Variants in NFASC observed in about 807,000 individuals in gnomAD.
NFASC encodes neurofascin homolog.
Under a neutral mutation model 147.5 loss-of-function variants are expected in NFASC, and 43 were observed. That is an observed-to-expected ratio of 0.29 (90% CI 0.23 to 0.38). The LOEUF is 0.38. NFASC is among the 10% of genes least tolerant of loss of function. The pLI is 1.00. For synonymous variants in NFASC, 622 were observed against 665.5 expected, an observed-to-expected ratio of 0.93 and a Z score of 1.01; for missense variants, 1,320 against 1,689.0, an observed-to-expected ratio of 0.78 and a Z score of 3.83.
chr1:204,832,822 G>T lies in NFASC; in HGVS notation c.-200+4040G>T, dbSNP rs114983909. On this transcript the variant is annotated intron_variant, in intron 1 of 29. Coordinates refer to ENST00000339876, the MANE Select transcript of NFASC (RefSeq NM_001005388.3). ...CCTGGTGTTGTAGGAGCATGGCTGA[G>T]GGGTCATAGTGAGCAGTAGGATCTG... Among the ~76,000 whole-genome samples, 2 of 152,370 alleles carry T rather than the reference G, an allele frequency of 1.3e-5. 1 individual carries two copies. The highest frequency in any genetic ancestry group is 2.9e-5 in the Non-Finnish European group (2 of 68,034).
chr1:204,901,152 C>T (rs753795276), intron 1 of NFASC, among the ~76,000 whole-genome samples: 19 of 151,950 alleles, frequency 1.3e-4, no homozygotes, highest in East Asian at 9.6e-4. Context: ...TTAGCAGCTC[C>T]GAGATGCCTG....
rs924558876 is a variant in NFASC at position 204,992,300 on chromosome 1, C to T, written c.2782+994C>T. 4.6e-5 allele frequency among the ~76,000 whole-genome samples: 7 copies of T among 152,236 alleles called. No individual in the cohort carries two copies. In the East Asian group the frequency reaches 5.8e-4, roughly 13 times the overall value. ...AGGCAGTGGAGGGAGGGCTGAGGAC[C>T]GGGCCAGGAATCTGAGGGTTGGCTT... On this transcript the variant is annotated intron_variant, in intron 24 of 29. Transcript: ENST00000339876.
chr1:204,843,626 TCCTCCCTCCCTCCCTCCCTC>T, intron 1 of NFASC, among the ~76,000 whole-genome samples: 1 of 78,112 alleles, frequency 1.3e-5, no homozygotes, highest in South Asian at 5.8e-4. Flanking sequence ...CTTCCTTCCT[TCCTCCCTCCCTCCCTCCCTC>T]CCTCCCTCCC....
At chr1:204,939,059 T>TGTGTGG (rs1355578764) in intron 2 of NFASC, among the ~76,000 whole-genome samples, 3 of 151,320 alleles carry the variant, frequency 2.0e-5, no homozygotes, top group Non-Finnish European at 4.4e-5. Context: ...TGTGTGTGTG[T>TGTGTGG]GTGTGTGTGT....
At chr1:204,885,470 C>T (rs974057244) in intron 1 of NFASC, among the ~76,000 whole-genome samples, 10 of 152,152 alleles carry the variant, frequency 6.6e-5, no homozygotes, top group African/African-American at 2.4e-4. Flanking sequence ...AAGAATTTTC[C>T]ACCCTCTTTG....
intron 25 of NFASC, chr1:204,998,599 G>A (rs2095901413): frequency 6.6e-6 from 1 of 152,230 alleles, no homozygotes; most frequent in Non-Finnish European, 1.5e-5. Context: ...TGCTTCACAG[G>A]TGCCATCTAG....
At position 205,015,517 on chromosome 1, in the gene NFASC, G is replaced by A. The variant is rs1221175196; in HGVS notation, c.3492-791G>A. 1.3e-5 allele frequency among the ~76,000 whole-genome samples: 2 copies of A among 152,118 alleles called. No homozygotes were observed. Among genetic ancestry groups the A allele is most frequent in the Non-Finnish European group, 2.9e-5 (2 of 68,024 alleles). On this transcript the variant is annotated intron_variant, in intron 29 of 29. Transcript: ENST00000339876. The surrounding 1 kb of genome is among the most constrained non-coding windows in gnomAD (Gnocchi z 4.0). ...CCCAACTGGGTGGCTGTTCCCAGCG[G>A]CCCGTGCAGCTTTACTCGGCAGCCT...
chr1:204,992,783 T>C (rs1472716250), intron 24 of NFASC, among the ~76,000 whole-genome samples: 1 of 152,214 alleles, frequency 6.6e-6, no homozygotes, highest in Non-Finnish European at 1.5e-5. Flanking sequence ...CCAAGGCAGG[T>C]GGGCCTGGTG....
At chr1:204,984,212 G>A in intron 21 of NFASC, 1 of 986,040 alleles carries the variant, frequency 1.0e-6, no homozygotes, top group Admixed American at 1.8e-5. Context: ...AGCAAATGCG[G>A]GCTATAAGAT....
intron 2 of NFASC, among the ~76,000 whole-genome samples, chr1:204,937,759 C>T (rs573755805): frequency 3.2e-4 from 49 of 152,350 alleles, no homozygotes; most frequent in African/African-American, 9.9e-4. Flanking sequence ...TAAACATCCA[C>T]GTGCAGGTCG....
chr1:205,011,210 C>CCCG (rs1469306466), intron 28 of NFASC, among the ~76,000 whole-genome samples: 1 of 151,632 alleles, frequency 6.6e-6, no homozygotes, highest in Non-Finnish European at 1.5e-5. Flanking sequence ...CCCCAGGACC[C>CCCG]CCCCCAAAAC....
In NFASC at chr1:204,974,200, C is replaced by T. The variant is rs760183549; in HGVS notation, c.1301C>T (p.Ser434Leu). ...SVLDVPPRML[S>L]PRNQLIRVIL... ...TCAGATGTGCCGCCTCGGATGCTGT[C>T]GCCCCGGAACCAGCTCATTCGAGTG... The change falls in exon 13 of 30, where the codon TCG (serine) becomes TTG (leucine). Residue 434 changes from serine to leucine, a missense_variant. Around this residue, in one of 3 missense-constraint regions of NFASC, gnomAD observed 981 missense variants for 1,289.5 expected, o/e 0.76. Coordinates refer to ENST00000339876, the MANE Select transcript of NFASC (RefSeq NM_001005388.3). The T allele has an allele frequency of 8.7e-6, 14 of 1,613,838 alleles. No homozygotes were observed. In the South Asian group the frequency reaches 8.8e-5, roughly 10 times the overall value.
intron 1 of NFASC, among the ~76,000 whole-genome samples, chr1:204,845,055 C>T (rs535331492): frequency 2.0e-5 from 3 of 152,078 alleles, no homozygotes; most frequent in Non-Finnish European, 2.9e-5. Context: ...GGTAGTTACC[C>T]AAGGGACTTT....
At position 204,898,920 on chromosome 1, in the gene NFASC, A is replaced by G. The variant is rs2083943730; in HGVS notation, c.-199-21712A>G. Among the ~76,000 whole-genome samples, 3 of 152,230 alleles carry G rather than the reference A, an allele frequency of 2.0e-5. No homozygotes were observed. The South Asian group carries it at 6.2e-4, about 31-fold the overall frequency. On this transcript the variant is annotated intron_variant, in intron 1 of 29. Coordinates refer to ENST00000339876, the MANE Select transcript of NFASC (RefSeq NM_001005388.3). ...ATAGGAGCCCTCAGGTTCTAAAGCT[A>G]TTCTAAAGCTATTTGAGGATATGAC...
At chr1:205,001,406 C>CTGGCTTAATTA in intron 26 of NFASC, 120 bp downstream of exon 26, 1 of 673,574 alleles carries the variant, frequency 1.5e-6, no homozygotes, top group East Asian at 2.7e-5. Context: ...GCCTTTTAGC[C>CTGGCTTAATTA]TGGCTTAATT....
At chr1:204,976,629 C>T (rs1327755714) in intron 15 of NFASC, 42 bp from the exon 16 acceptor site, 2 of 1,494,064 alleles carry the variant, frequency 1.3e-6, no homozygotes, top group South Asian at 1.2e-5. Context: ...ACTCAGCACT[C>T]CCCTACCCCC....
In NFASC at chr1:204,966,328, G is replaced by A. The variant is rs563525968; in HGVS notation, c.707-1921G>A. ...ATGGTGTAAATTAAACGTCCATAGG[G>A]TCACAGATTGGTTTCTGCAGATTTC... On this transcript the variant is annotated intron_variant, in intron 8 of 29. Transcript: ENST00000339876. Among the ~76,000 whole-genome samples, 5 of 152,276 alleles carry A rather than the reference G, an allele frequency of 3.3e-5. No individual in the cohort carries two copies. In the South Asian group the frequency reaches 1.0e-3, roughly 32 times the overall value.
In NFASC at chr1:204,981,885, G is replaced by A. The variant is rs138192492; in HGVS notation, c.2335G>A (p.Val779Ile). ...RRETREAWNN[V>I]TVWGSRYVVG... is the part of the protein sequence containing the mutation. Reference sequence around the variant, plus strand: ...AGAGACTCGAGAGGCCTGGAACAACGTCACAGTGTGGGGCTCTCGCTACGT... The same window carrying A: ...AGAGACTCGAGAGGCCTGGAACAACATCACAGTGTGGGGCTCTCGCTACGT... Residue 779 changes from valine to isoleucine, a missense_variant, in exon 21 of 30, where the codon GTC becomes ATC. Physicochemically the swap from Val to Ile is conservative, Grantham distance 29. Coordinates refer to ENST00000339876, the MANE Select transcript of NFASC (RefSeq NM_001005388.3). 1.8e-4 allele frequency: 289 copies of A among 1,607,714 alleles called. 3 individuals are homozygous for A. The South Asian group carries it at 1.9e-3, about 10-fold the overall frequency.
chr1:204,972,399 C>A (rs2095287264), intron 11 of NFASC, among the ~76,000 whole-genome samples: 2 of 151,236 alleles, frequency 1.3e-5, no homozygotes, highest in African/African-American at 4.8e-5. Flanking sequence ...CTTATCTTAG[C>A]CTTTCTTAGA....
Sources: allele counts gnomAD v4.1 joint callset (sites outside exome capture counted in the v4.1 genomes callset), GRCh38; gene constraint gnomAD v4.1.1; regional missense constraint gnomAD v4.1.1; non-coding constraint Gnocchi (gnomAD v3.1); transcripts MANE v1.5; gene names NCBI Gene and HGNC (gene_info 2026-07-23, HGNC 2026-07-21).